LRRC18: variants seen among roughly 807,000 people sequenced by gnomAD.
LRRC18 encodes the protein leucine-rich repeat-containing protein 18.
Under a neutral mutation model 11.2 loss-of-function variants are expected in LRRC18, and 12 were observed. The observed-to-expected ratio is 1.07, with a 90% CI of 0.69 to 1.74. The LOEUF is 1.74. LRRC18 is among the 40% of genes most tolerant of loss of function. LRRC18 has a pLI of 0.00. For synonymous variants in LRRC18, 155 were observed against 130.6 expected (o/e 1.19, Z -1.27); for missense variants, 374 against 330.5 (o/e 1.13, Z -1.02).
intron 1 of LRRC18, among the ~76,000 whole-genome samples, chr10:48,911,615 T>C (rs918482052): frequency 6.6e-6 from 1 of 152,194 alleles, no homozygotes; most frequent in African/African-American, 2.4e-5. Context: ...GGTAACAGCA[T>C]GGGTTTCAAA....
At chr10:48,931,292 C>T in the LRRC18 span, among the ~76,000 whole-genome samples, 2 of 152,198 alleles carry the variant, frequency 1.3e-5, no homozygotes, top group Non-Finnish European at 1.5e-5. Context: ...TTGCCTGAGG[C>T]AGCCAGTGCT....
chr10:48,938,689 T>TA, the LRRC18 span, among the ~76,000 whole-genome samples: 3 of 152,184 alleles, frequency 2.0e-5, no homozygotes, highest in Non-Finnish European at 4.4e-5. Context: ...CACATGGCAG[T>TA]AGCGCTCAAG....
At chr10:48,920,220 C>T in the LRRC18 span, among the ~76,000 whole-genome samples, 3 of 152,018 alleles carry the variant, frequency 2.0e-5, no homozygotes, top group South Asian at 4.2e-4. Context: ...AATAGAAAGG[C>T]CCTTCCTTAT....
At chr10:48,923,285 A>G in the LRRC18 span, among the ~76,000 whole-genome samples, 96,040 of 151,210 alleles carry the variant, frequency 0.64, 31,225 homozygotes, top group East Asian at 1. Flanking sequence ...CAGGGAACAG[A>G]TGTTCGCAAG....
chr10:48,916,229 G>A (rs1446844988), upstream of LRRC18, among the ~76,000 whole-genome samples: 1 of 152,162 alleles, frequency 6.6e-6, no homozygotes, highest in African/African-American at 2.4e-5. Flanking sequence ...CTCAAGGGCA[G>A]CCCAGAACAC....
chr10:48,917,194 G>T (rs568906073), upstream of LRRC18, among the ~76,000 whole-genome samples: 8 of 152,266 alleles, frequency 5.3e-5, no homozygotes, highest in South Asian at 1.7e-3. Context: ...ACATAATGAT[G>T]AAATTGCCTA....
intron 1 of LRRC18, among the ~76,000 whole-genome samples, chr10:48,912,256 G>A (rs1430255447): frequency 6.6e-6 from 1 of 152,244 alleles, no homozygotes; most frequent in Non-Finnish European, 1.5e-5. Flanking sequence ...AATGAACTAA[G>A]TTATGGTTCT....
chr10:48,938,043 C>T, the LRRC18 span, among the ~76,000 whole-genome samples: 1 of 152,270 alleles, frequency 6.6e-6, no homozygotes, highest in African/African-American at 2.4e-5. Context: ...AGCCCACACG[C>T]ATCAGCAGGC....
chr10:48,926,939 T>C, the LRRC18 span, among the ~76,000 whole-genome samples: 1 of 152,160 alleles, frequency 6.6e-6, no homozygotes, highest in Non-Finnish European at 1.5e-5. Flanking sequence ...CCTTGCCACA[T>C]GGAGTGTGAG....
the LRRC18 span, among the ~76,000 whole-genome samples, chr10:48,932,862 A>C: frequency 6.6e-6 from 1 of 152,168 alleles, no homozygotes; most frequent in African/African-American, 2.4e-5. Flanking sequence ...GCTAAGAAGA[A>C]GCCACATGGA....
chr10:48,910,268 G>A lies in LRRC18; in HGVS notation c.765-10C>T. 1 of 1,613,502 alleles carries A rather than the reference G, an allele frequency of 6.2e-7. No individual in the cohort carries two copies. The highest frequency in any genetic ancestry group is 8.5e-7 in the Non-Finnish European group (1 of 1,179,422). ...AGATGTCAAGCGTATTCTGGGGATG[G>A]AGACACAAGAAGGTGAGGCAATTGC... On this transcript the variant is annotated splice_polypyrimidine_tract_variant and intron_variant, in intron 1 of 1. Transcript: ENST00000374160.
exon 1 of LRRC18, chr10:48,914,229 A>G (rs1386485756): frequency 6.8e-7 from 1 of 1,471,210 alleles, no homozygotes; most frequent in Admixed American, 2.0e-5. Context: ...AAAATCATGA[A>G]AAACTGCTGA....
the LRRC18 span, among the ~76,000 whole-genome samples, chr10:48,923,414 G>A: frequency 6.7e-6 from 1 of 149,896 alleles, no homozygotes; most frequent in Admixed American, 6.7e-5. Context: ...TTCTCCCCAT[G>A]GTAGATTTGC....
At chr10:48,930,333 T>C in the LRRC18 span, among the ~76,000 whole-genome samples, 3 of 152,250 alleles carry the variant, frequency 2.0e-5, no homozygotes, top group African/African-American at 4.8e-5. Flanking sequence ...GTCACTTGCA[T>C]ACTAAATATT....
chr10:48,924,939 A>G, the LRRC18 span, among the ~76,000 whole-genome samples: 4 of 152,246 alleles, frequency 2.6e-5, no homozygotes, highest in Non-Finnish European at 4.4e-5. Context: ...CAATCTTACA[A>G]TAATAATTTC....
chr10:48,932,550 C>T, the LRRC18 span: 2 of 151,942 alleles, frequency 1.3e-5, no homozygotes, highest in Non-Finnish European at 2.9e-5. Flanking sequence ...ACAGTTCCTA[C>T]TGGAGTTGTA....
At chr10:48,924,922 G>A in the LRRC18 span, among the ~76,000 whole-genome samples, 8 of 152,164 alleles carry the variant, frequency 5.3e-5, no homozygotes, top group Non-Finnish European at 1.0e-4. Flanking sequence ...TAAATAGCTT[G>A]CTAACACAAT....
At chr10:48,919,398 C>T in the LRRC18 span, among the ~76,000 whole-genome samples, 41 of 152,214 alleles carry the variant, frequency 2.7e-4, no homozygotes, top group African/African-American at 9.2e-4. Context: ...CGGTTGAAAC[C>T]CTTTCAAAAA....
chr10:48,909,779 C>A, exon 2 of LRRC18: 1 of 158,912 alleles, frequency 6.3e-6, no homozygotes, highest in Non-Finnish European at 1.4e-5. Flanking sequence ...GGCCCCACCT[C>A]CAACACTGGG....
Sources: gnomAD v4.1 joint callset for allele counts (sites outside exome capture counted in the v4.1 genomes callset) on GRCh38, gnomAD v4.1.1 for gene constraint, MANE v1.5 for transcripts, NCBI Gene and HGNC (gene_info 2026-07-23, HGNC 2026-07-21) for gene names.